The following PTER variants were observed in gnomAD, a reference collection of about 807,000 sequenced individuals.
PTER encodes N-acetyltaurine hydrolase.
Under a neutral mutation model 29.6 loss-of-function variants are expected in PTER, and 38 were observed. The observed-to-expected ratio is 1.28, with a 90% CI of 0.99 to 1.68. PTER has a LOEUF of 1.68. Among genes scored for constraint, PTER ranks in the 40% most tolerant of loss-of-function variants. The pLI, the probability that PTER is intolerant of heterozygous loss-of-function variation, is 0.00. For missense variants in PTER, 482 were observed against 427.8 expected (o/e 1.13, Z -1.12); for synonymous variants, 172 against 154.5 (o/e 1.11, Z -0.84).
chr10:16,462,834 G>C (rs1038199850), intron 1 of PTER, among the ~76,000 whole-genome samples: 3 of 149,810 alleles, frequency 2.0e-5, no homozygotes, highest in African/African-American at 7.3e-5. Flanking sequence ...GCCTCCCAAA[G>C]TGCTGGGATT....
chr10:16,469,827 C>G (rs545188452), intron 1 of PTER, among the ~76,000 whole-genome samples: 9 of 152,120 alleles, frequency 5.9e-5, no homozygotes, highest in African/African-American at 1.7e-4. Flanking sequence ...GTCCTCCTGC[C>G]TCAGCCTCCC....
chr10:16,460,249 A>G (rs1235575833), intron 1 of PTER, among the ~76,000 whole-genome samples: 1 of 152,222 alleles, frequency 6.6e-6, no homozygotes, highest in Non-Finnish European at 1.5e-5. Flanking sequence ...CTAAGATGTG[A>G]TGTTACCTTG....
intron 2 of PTER, among the ~76,000 whole-genome samples, chr10:16,485,714 AC>A (rs1204113599): frequency 2.0e-5 from 3 of 152,152 alleles, no homozygotes; most frequent in Admixed American, 2.0e-4. Context: ...ATACATATGA[AC>A]CCAAAAGTCT....
chr10:16,501,370 T>TGC (rs1836341729), intron 3 of PTER, among the ~76,000 whole-genome samples: 1 of 39,548 alleles, frequency 2.5e-5, no homozygotes, highest in African/African-American at 9.1e-5. Flanking sequence ...CACACACACA[T>TGC]GCACACACAC....
chr10:16,462,174 T>TG (rs1834637406), intron 1 of PTER, among the ~76,000 whole-genome samples: 2 of 152,044 alleles, frequency 1.3e-5, no homozygotes, highest in South Asian at 4.1e-4. Context: ...TTAGTACAGA[T>TG]GGGGTTTCCC....
intron 1 of PTER, among the ~76,000 whole-genome samples, chr10:16,448,243 C>A (rs1369657639): frequency 6.6e-5 from 10 of 152,222 alleles, no homozygotes; most frequent in East Asian, 1.9e-4. Context: ...CCCTGTCTGC[C>A]ACTGACAACT....
intron 3 of PTER, among the ~76,000 whole-genome samples, chr10:16,500,228 C>CTT (rs72171974): frequency 1.0e-4 from 15 of 146,916 alleles, no homozygotes; most frequent in African/African-American, 3.3e-4. Flanking sequence ...ATAGGGATTA[C>CTT]TTTTTTTTTT....
At chr10:16,516,908 C>T (rs1588640885), downstream of PTER, among the ~76,000 whole-genome samples, 2 of 152,258 alleles carry the variant, frequency 1.3e-5, no homozygotes, top group South Asian at 2.1e-4. Flanking sequence ...CTATACTGTA[C>T]CGTAAGACTG....
At chr10:16,510,396 G>C (rs1167259433) in intron 4 of PTER, among the ~76,000 whole-genome samples, 1 of 152,160 alleles carries the variant, frequency 6.6e-6, no homozygotes, top group Non-Finnish European at 1.5e-5. Flanking sequence ...ATTTGTATTG[G>C]TCAGTTTAAT....
intron 4 of PTER, among the ~76,000 whole-genome samples, chr10:16,505,790 T>C (rs985090457): frequency 1.3e-5 from 2 of 152,166 alleles, no homozygotes; most frequent in African/African-American, 4.8e-5. Context: ...ATGAACCAAG[T>C]TAGAATACCT....
chr10:16,465,992 T>A (rs982532505), intron 1 of PTER, among the ~76,000 whole-genome samples: 1 of 152,148 alleles, frequency 6.6e-6, no homozygotes, highest in African/African-American at 2.4e-5. Flanking sequence ...ATCTGTTCCC[T>A]CCCTCAATAT....
intron 1 of PTER, among the ~76,000 whole-genome samples, chr10:16,449,423 A>ATT (rs1434440848): frequency 5.7e-5 from 6 of 105,032 alleles, no homozygotes; most frequent in Non-Finnish European, 7.7e-5. Flanking sequence ...TTCAACAATA[A>ATT]TTTTCTTTTT....
At chr10:16,463,978 C>G (rs766555490) in intron 1 of PTER, among the ~76,000 whole-genome samples, 1 of 152,080 alleles carries the variant, frequency 6.6e-6, no homozygotes, top group East Asian at 1.9e-4. Flanking sequence ...AAAGTACATC[C>G]GACGGTCCGG....
intron 3 of PTER, among the ~76,000 whole-genome samples, chr10:16,492,797 G>A (rs546612274): frequency 2.6e-5 from 4 of 152,280 alleles, no homozygotes; most frequent in Admixed American, 6.5e-5. Flanking sequence ...GGAAAATAGC[G>A]CATCACTGTC....
chr10:16,508,434 G>T (rs902926809), intron 4 of PTER, among the ~76,000 whole-genome samples: 1 of 151,876 alleles, frequency 6.6e-6, no homozygotes, highest in Non-Finnish European at 1.5e-5. Flanking sequence ...TTCCTTTTCC[G>T]AAGCCCCTTT....
rs546426563 is a variant in PTER, at chr10:16,511,340, C to T, written c.*84C>T. ...TTCCAGTCCACTGTGAGATATTAAT[C>T]AGTTACCTAGGACTAATGACAGATC... is the stretch of plus-strand genomic sequence containing the variant. On this transcript the variant is annotated 3_prime_UTR_variant, in exon 5 of 5. Coordinates refer to ENST00000535784, the MANE Select transcript of PTER (RefSeq NM_001261836.2). The T allele has an allele frequency of 3.8e-5, 47 of 1,246,368 alleles. 1 individual carries two copies. The South Asian group carries it at 4.9e-4, about 13-fold the overall frequency. The allele number at this position is 1,246,368 out of a possible 1,614,324, so 77.2% of individuals were successfully genotyped here. A position where few individuals can be genotyped will look rare whatever the true frequency, so the allele number is the denominator to read the frequency against.
intron 1 of PTER, among the ~76,000 whole-genome samples, chr10:16,479,532 A>G (rs1474728552): frequency 6.6e-6 from 1 of 152,180 alleles, no homozygotes; most frequent in Non-Finnish European, 1.5e-5. Flanking sequence ...GACAAATCAA[A>G]TGTCAGTGTT....
chr10:16,486,188 G>T (rs1835687286), intron 2 of PTER, among the ~76,000 whole-genome samples, 164 bp from the exon 3 acceptor site: 1 of 151,988 alleles, frequency 6.6e-6, no homozygotes, highest in Non-Finnish European at 1.5e-5. Context: ...TTTTGATTTG[G>T]CCAGCAAAAT....
At chr10:16,470,574 C>T (rs549922466) in intron 1 of PTER, among the ~76,000 whole-genome samples, 12 of 152,140 alleles carry the variant, frequency 7.9e-5, no homozygotes, top group Non-Finnish European at 4.4e-5. Context: ...TCAAGACCAG[C>T]CTGGCCAACA....
Sources: gnomAD v4.1 joint callset for allele counts (sites outside exome capture counted in the v4.1 genomes callset) on GRCh38, gnomAD v4.1.1 for gene constraint, MANE v1.5 for transcripts, NCBI Gene and HGNC (gene_info 2026-07-23, HGNC 2026-07-21) for gene names.